SNTG1: variants seen among roughly 807,000 people sequenced by gnomAD.
The protein encoded by SNTG1 is gamma-1-syntrophin.
SNTG1 carries 39 observed loss-of-function variants against 74.7 expected under a neutral mutation model. The observed-to-expected ratio is 0.52, with a 90% confidence interval of 0.40 to 0.68. The LOEUF (loss-of-function observed/expected upper bound fraction) is 0.68. SNTG1 is among the 30% of genes least tolerant of loss of function. SNTG1 has a pLI of 0.00. For synonymous variants in SNTG1, 254 were observed against 217.1 expected, an observed-to-expected ratio of 1.17 and a Z score of -1.49; for missense variants, 685 against 609.5, an observed-to-expected ratio of 1.12 and a Z score of -1.30.
At chr8:50,227,586 T>C (rs948507843) in intron 2 of SNTG1, among the ~76,000 whole-genome samples, 1 of 151,930 alleles carries the variant, frequency 6.6e-6, no homozygotes, top group Non-Finnish European at 1.5e-5. Flanking sequence ...AGAAAAAAAT[T>C]TCATCATCAG....
chr8:50,409,870 C>T (rs536946951), intron 4 of SNTG1, among the ~76,000 whole-genome samples: 18 of 152,250 alleles, frequency 1.2e-4, no homozygotes, highest in South Asian at 4.1e-4. Context: ...TAAAAAGATA[C>T]GAAAACCATG....
chr8:50,428,665 A>C (rs963325396), intron 4 of SNTG1, among the ~76,000 whole-genome samples: 27 of 152,260 alleles, frequency 1.8e-4, no homozygotes, highest in African/African-American at 6.3e-4. Context: ...AGAGAGAAAA[A>C]CCCAAAACCC....
intron 12 of SNTG1, among the ~76,000 whole-genome samples, chr8:50,589,951 C>A (rs1057106762): frequency 1.3e-5 from 2 of 152,096 alleles, no homozygotes; most frequent in Admixed American, 6.5e-5. Flanking sequence ...CTCAAATTTT[C>A]TTTTCTTTTT....
intron 13 of SNTG1, among the ~76,000 whole-genome samples, chr8:50,649,706 C>G (rs941024289): frequency 6.6e-6 from 1 of 152,152 alleles, no homozygotes. Context: ...GCCAAAATCT[C>G]TTTTCTGAAA....
chr8:50,104,408 T>A (rs964832892), intron 1 of SNTG1, among the ~76,000 whole-genome samples: 1 of 152,178 alleles, frequency 6.6e-6, no homozygotes, highest in Non-Finnish European at 1.5e-5. Context: ...GGTGCTGATA[T>A]CCCCTTTATC....
At chr8:50,758,753 T>A (rs2095588486) in intron 18 of SNTG1, among the ~76,000 whole-genome samples, 1 of 152,102 alleles carries the variant, frequency 6.6e-6, no homozygotes, top group Admixed American at 6.6e-5. Flanking sequence ...TCCAAGTCTT[T>A]GCTATTGTGA....
At chr8:50,013,963 C>A (rs1211340835) in intron 1 of SNTG1, among the ~76,000 whole-genome samples, 1 of 152,208 alleles carries the variant, frequency 6.6e-6, no homozygotes, top group East Asian at 1.9e-4. Context: ...ATCAAAAATA[C>A]AACAAGACAA....
At chr8:50,169,009 G>C (rs139647579) in intron 1 of SNTG1, among the ~76,000 whole-genome samples, 191 of 152,270 alleles carry the variant, frequency 1.3e-3, no homozygotes, top group African/African-American at 4.3e-3. Context: ...TCACAACTAA[G>C]ATATTTAACT....
chr8:50,642,557 C>G (rs554195217), intron 13 of SNTG1, among the ~76,000 whole-genome samples: 1 of 152,216 alleles, frequency 6.6e-6, no homozygotes, highest in East Asian at 1.9e-4. Flanking sequence ...CTCATCATCC[C>G]CAAGATCGTC....
intron 12 of SNTG1, among the ~76,000 whole-genome samples, chr8:50,576,138 T>A (rs1274700528): frequency 6.6e-6 from 1 of 152,190 alleles, no homozygotes; most frequent in Non-Finnish European, 1.5e-5. Context: ...TATGCTCAGG[T>A]CTTTGGGTTA....
chr8:50,346,956 A>T (rs567016854), intron 2 of SNTG1, among the ~76,000 whole-genome samples: 12 of 152,250 alleles, frequency 7.9e-5, no homozygotes, highest in Non-Finnish European at 1.5e-4. Context: ...TCTTCACAAC[A>T]TAAAAGTGCA....
At chr8:50,509,988 G>T (rs2094051907) in intron 9 of SNTG1, among the ~76,000 whole-genome samples, 1 of 152,118 alleles carries the variant, frequency 6.6e-6, no homozygotes, top group African/African-American at 2.4e-5. Flanking sequence ...TCCCTGTCTT[G>T]TGCCAGTATT....
chr8:50,149,360 C>T (rs191934376), intron 1 of SNTG1, among the ~76,000 whole-genome samples: 1 of 152,062 alleles, frequency 6.6e-6, no homozygotes, highest in South Asian at 2.1e-4. Context: ...ACCCTGATGG[C>T]AGTTTCTTTT....
intron 1 of SNTG1, among the ~76,000 whole-genome samples, chr8:50,108,947 T>C (rs947105707): frequency 6.6e-6 from 1 of 152,184 alleles, no homozygotes; most frequent in Non-Finnish European, 1.5e-5. Context: ...CTTCTGTGTA[T>C]GTATATAGTC....
chr8:50,690,137 T>C (rs568628679), intron 15 of SNTG1, among the ~76,000 whole-genome samples: 10 of 152,144 alleles, frequency 6.6e-5, no homozygotes, highest in African/African-American at 2.4e-4. Flanking sequence ...ATTCTTCTCT[T>C]TTTTCTTCTT....
intron 1 of SNTG1, among the ~76,000 whole-genome samples, chr8:50,001,987 G>C (rs567106639): frequency 1.3e-5 from 2 of 152,234 alleles, no homozygotes; most frequent in East Asian, 3.9e-4. Context: ...GGCTGGGAAG[G>C]AGGTTTTGGG....
intron 9 of SNTG1, among the ~76,000 whole-genome samples, chr8:50,517,616 CAA>C (rs1161724778): frequency 0.054 from 3,364 of 62,284 alleles, 96 homozygotes; most frequent in African/African-American, 0.16. Flanking sequence ...AAATGGAAAG[CAA>C]AAAAAAAAAA....
intron 2 of SNTG1, among the ~76,000 whole-genome samples, chr8:50,214,248 G>A (rs999469817): frequency 3.2e-5 from 4 of 126,628 alleles, no homozygotes; most frequent in African/African-American, 9.0e-5. Flanking sequence ...TCACACTCTG[G>A]GGACTGTTGT....
chr8:50,718,822 C>G (rs1289575185), intron 17 of SNTG1, among the ~76,000 whole-genome samples: 2 of 152,108 alleles, frequency 1.3e-5, no homozygotes, highest in Non-Finnish European at 2.9e-5. Flanking sequence ...TAAAACTATA[C>G]AGATATTTAT....
Sources: allele counts gnomAD v4.1 joint callset (sites outside exome capture counted in the v4.1 genomes callset), GRCh38; gene constraint gnomAD v4.1.1; transcripts MANE v1.5; gene names NCBI Gene and HGNC (gene_info 2026-07-23, HGNC 2026-07-21).